IFT43: variants seen among roughly 807,000 people sequenced by gnomAD.
IFT43 encodes the protein intraflagellar transport 43.
Under a neutral mutation model 32.3 loss-of-function variants are expected in IFT43, and 33 were observed. The observed-to-expected ratio is 1.02, with a 90% CI of 0.77 to 1.37. IFT43 has a LOEUF of 1.37. IFT43 is among the 40% of genes most tolerant of loss of function. IFT43 has a pLI of 0.00. For missense variants in IFT43, 274 were observed against 265.9 expected (o/e 1.03, Z -0.21); for synonymous variants, 93 against 98.2 (o/e 0.95, Z 0.31).
chr14:75,988,369 T>C (rs1166046839), intron 1 of IFT43, among the ~76,000 whole-genome samples: 2 of 152,198 alleles, frequency 1.3e-5, no homozygotes, highest in Non-Finnish European at 2.9e-5. Flanking sequence ...CTTAATTTCC[T>C]ATTTTCCTAT....
chr14:76,014,698 T>C (rs2036150134), intron 2 of IFT43, among the ~76,000 whole-genome samples: 1 of 152,198 alleles, frequency 6.6e-6, no homozygotes, highest in African/African-American at 2.4e-5. Flanking sequence ...GTGTGTACAA[T>C]TCTGTTTAGC....
intron 2 of IFT43, among the ~76,000 whole-genome samples, chr14:76,007,775 G>A (rs964158754): frequency 2.6e-5 from 4 of 152,176 alleles, no homozygotes; most frequent in African/African-American, 7.2e-5. Flanking sequence ...AAAGTATAGG[G>A]AAATGGGGCA....
chr14:75,997,911 C>T (rs140595010), intron 2 of IFT43, among the ~76,000 whole-genome samples: 11 of 152,092 alleles, frequency 7.2e-5, no homozygotes, highest in Middle Eastern at 3.4e-3. Context: ...AGTCATTTCA[C>T]GGTCAAACCC....
At chr14:76,004,635 C>G (rs2035948924) in intron 2 of IFT43, among the ~76,000 whole-genome samples, 1 of 152,168 alleles carries the variant, frequency 6.6e-6, no homozygotes, top group Non-Finnish European at 1.5e-5. Flanking sequence ...TTTTCTTTCT[C>G]TTTGTGCCTG....
chr14:76,018,308 AGTGGTT>A (rs2036227444), intron 2 of IFT43, among the ~76,000 whole-genome samples: 1 of 151,768 alleles, frequency 6.6e-6, no homozygotes, highest in African/African-American at 2.4e-5. Flanking sequence ...TCATTGATCC[AGTGGTT>A]GTTCAGGAGC....
In IFT43 at chr14:76,030,122, C is replaced by T. The variant is rs561206185; in HGVS notation, c.215+7728C>T. 1.1e-4 allele frequency among the ~76,000 whole-genome samples: 16 copies of T among 152,112 alleles called. No individual in the cohort carries two copies. In the South Asian group the frequency reaches 2.7e-3, roughly 26 times the overall value. ...AGGCTGGTCTCAAACTCCTGGCAAT[C>T]GTCCTACTTTGGCCTCCCCAAGTGC... is the stretch of plus-strand genomic sequence containing the variant. On this transcript the variant is annotated intron_variant, in intron 3 of 8. Transcript: ENST00000314067.
chr14:76,022,342 T>C lies in IFT43; in HGVS notation c.163T>C (p.Leu55=). The change falls in exon 3 of 9, where the codon TTA becomes CTA. Residue 55 remains leucine, a synonymous_variant. Transcript: ENST00000314067. ...TLTGETSSAK[L]PRCRQGGWAG... is the part of the protein sequence containing the mutation. ...TTCCTTGTAGACTTCCTCTGCTAAA[T>C]TACCTCGCTGCCGACAGGGAGGCTG... 6.2e-7 allele frequency: 1 copy of C among 1,613,592 alleles called. No individual in the cohort carries two copies. The highest frequency in any genetic ancestry group is 1.1e-5 in the South Asian group (1 of 91,060).
rs142667960 is a variant in IFT43 at position 76,017,756 on chromosome 14, A to G, written c.148-4571A>G. 1.3e-4 allele frequency among the ~76,000 whole-genome samples: 19 copies of G among 151,958 alleles called. No individual in the cohort carries two copies. In the East Asian group the frequency reaches 2.7e-3, roughly 22 times the overall value. ...TGTTAGTGGTCTGTTCAGGTTTTCT[A>G]TTTCTTCCTGGTTCAATCTTGGTAG... On this transcript the variant is annotated intron_variant, in intron 2 of 8. Coordinates refer to ENST00000314067, the MANE Select transcript of IFT43 (RefSeq NM_001102564.3).
chr14:76,073,226 T>C (rs184643558), intron 5 of IFT43, among the ~76,000 whole-genome samples: 1 of 152,322 alleles, frequency 6.6e-6, no homozygotes, highest in Admixed American at 6.5e-5. Context: ...CTGGTGACTG[T>C]CTGTGCTTTC....
chr14:76,005,960 CT>C (rs954688480), intron 2 of IFT43, among the ~76,000 whole-genome samples: 42 of 145,650 alleles, frequency 2.9e-4, no homozygotes, highest in East Asian at 6.0e-4. Flanking sequence ...TCAACATACA[CT>C]TTTTTTTTTT....
chr14:75,991,777 T>A (rs953166555), intron 2 of IFT43, among the ~76,000 whole-genome samples: 1 of 152,226 alleles, frequency 6.6e-6, no homozygotes, highest in African/African-American at 2.4e-5. Flanking sequence ...AAAGTCATTC[T>A]GCTCTTCACC....
chr14:76,069,169 C>G (rs565454462), intron 5 of IFT43, among the ~76,000 whole-genome samples: 2 of 152,078 alleles, frequency 1.3e-5, no homozygotes, highest in African/African-American at 4.8e-5. Flanking sequence ...AAAGGGGGAG[C>G]AGGCACGTCA....
At chr14:76,045,357 A>G (rs1371006535) in intron 3 of IFT43, among the ~76,000 whole-genome samples, 2 of 152,194 alleles carry the variant, frequency 1.3e-5, no homozygotes, top group Non-Finnish European at 2.9e-5. Context: ...TTCTGAAACC[A>G]TATATGAAGG....
chr14:76,034,600 T>C (rs2036566410), intron 3 of IFT43, among the ~76,000 whole-genome samples: 1 of 152,250 alleles, frequency 6.6e-6, no homozygotes, highest in African/African-American at 2.4e-5. Flanking sequence ...GAAGGGCTGT[T>C]TATGAATCTG....
chr14:75,991,888 C>A (rs2035651443), intron 2 of IFT43, among the ~76,000 whole-genome samples: 2 of 152,154 alleles, frequency 1.3e-5, no homozygotes, highest in Non-Finnish European at 2.9e-5. Flanking sequence ...TCCCACGGGG[C>A]CAGATGCTCA....
chr14:76,000,869 A>T (rs1236064221), intron 2 of IFT43, among the ~76,000 whole-genome samples: 3 of 152,222 alleles, frequency 2.0e-5, no homozygotes, highest in African/African-American at 4.8e-5. Context: ...TTGGTGAACA[A>T]GAAAGGATAA....
chr14:76,046,554 A>G (rs1250087699), intron 3 of IFT43, among the ~76,000 whole-genome samples: 1 of 152,214 alleles, frequency 6.6e-6, no homozygotes, highest in Non-Finnish European at 1.5e-5. Flanking sequence ...CGCCTCAAGC[A>G]AGGACAAGCA....
chr14:76,052,834 T>C (rs1001542288), intron 3 of IFT43, among the ~76,000 whole-genome samples: 6 of 152,208 alleles, frequency 3.9e-5, no homozygotes, highest in African/African-American at 1.4e-4. Flanking sequence ...AAGCCAACAT[T>C]AACTACCAGA....
chr14:76,022,430 G>A (rs747387733), intron 3 of IFT43, 36 bp downstream of exon 3: 52 of 1,266,146 alleles, frequency 4.1e-5, no homozygotes, highest in South Asian at 4.0e-4. Flanking sequence ...ATGGGTGGGG[G>A]TGCACACGGT....
Sources: gnomAD v4.1 joint callset for allele counts (sites outside exome capture counted in the v4.1 genomes callset) on GRCh38, gnomAD v4.1.1 for gene constraint, MANE v1.5 for transcripts, NCBI Gene and HGNC (gene_info 2026-07-23, HGNC 2026-07-21) for gene names.